Variants in PLXNA4 observed in about 807,000 individuals in gnomAD.
PLXNA4 encodes the protein plexin A4.
Under a neutral mutation model 191.8 loss-of-function variants are expected in PLXNA4, and 44 were observed. The ratio of observed to expected loss-of-function variants is 0.23; its 90% CI spans 0.18 to 0.29. The LOEUF (loss-of-function observed/expected upper bound fraction) is 0.29, where lower values mean the gene tolerates loss of function less well. Among genes scored for constraint, PLXNA4 ranks in the 10% least tolerant of loss-of-function variants. The pLI, the probability that PLXNA4 is intolerant of heterozygous loss-of-function variation, is 1.00. For missense variants in PLXNA4, 1,800 were observed against 2,488.8 expected, an observed-to-expected ratio of 0.72 and a Z score of 5.89; for synonymous variants, 1,082 against 1,009.5, an observed-to-expected ratio of 1.07 and a Z score of -1.36.
intron 3 of PLXNA4, among the ~76,000 whole-genome samples, chr7:132,392,706 C>T (rs974351664): frequency 1.3e-5 from 2 of 152,226 alleles, no homozygotes; most frequent in East Asian, 1.9e-4. Flanking sequence ...GCTTCAGCCT[C>T]GCCTAGGTTG....
intron 2 of PLXNA4, among the ~76,000 whole-genome samples, chr7:132,583,954 G>T (rs1306974865): frequency 6.6e-6 from 1 of 152,194 alleles, no homozygotes; most frequent in Non-Finnish European, 1.5e-5. Flanking sequence ...TGCCAGGCCA[G>T]CTGCTGGAAA....
chr7:132,633,701 T>A (rs1367704595), intron 2 of PLXNA4, among the ~76,000 whole-genome samples: 1 of 152,104 alleles, frequency 6.6e-6, no homozygotes, highest in Non-Finnish European at 1.5e-5. Flanking sequence ...TCCAAAGTAT[T>A]TTTCACGTTT....
chr7:132,634,395 G>C (rs924917000), intron 2 of PLXNA4, among the ~76,000 whole-genome samples: 13 of 151,470 alleles, frequency 8.6e-5, no homozygotes, highest in African/African-American at 3.2e-4. Context: ...TCTCTGACAT[G>C]GTTCCATCCC....
intron 3 of PLXNA4, among the ~76,000 whole-genome samples, chr7:132,345,238 C>G (rs1803200204): frequency 1.3e-5 from 2 of 152,182 alleles, no homozygotes; most frequent in African/African-American, 4.8e-5. Flanking sequence ...CACACAACTG[C>G]ACAAAGTTGG....
chr7:132,523,952 G>C (rs1056393831), intron 1 of PLXNA4, among the ~76,000 whole-genome samples: 1 of 152,192 alleles, frequency 6.6e-6, no homozygotes, highest in African/African-American at 2.4e-5. Flanking sequence ...ACCTGGCCCA[G>C]GTTGATGCTC....
In PLXNA4 at chr7:132,274,774, T is replaced by C. The variant is rs73157251; in HGVS notation, c.1503+23317A>G. 4.7e-3 allele frequency among the ~76,000 whole-genome samples: 705 copies of C among 149,064 alleles called. 9 individuals are homozygous for C. The highest frequency in any genetic ancestry group is 7.2e-3 in the Non-Finnish European group (482 of 67,146). Reference sequence around the variant, plus strand: ...GCCCTTCTCAGTGCATCCTTTTTTTTTTTTTTTTTTTTTTTAAGAGACAGG... The same window carrying C: ...GCCCTTCTCAGTGCATCCTTTTTTTCTTTTTTTTTTTTTTTAAGAGACAGG... On this transcript the variant is annotated intron_variant, in intron 4 of 31. Coordinates refer to ENST00000321063, the MANE Select transcript of PLXNA4 (RefSeq NM_020911.2).
chr7:132,460,235 G>A (rs1267635542), intron 3 of PLXNA4, among the ~76,000 whole-genome samples: 1 of 152,012 alleles, frequency 6.6e-6, no homozygotes, highest in Non-Finnish European at 1.5e-5. Context: ...GTACACACCT[G>A]GAGTCCCAGC....
At chr7:132,470,672 G>A (rs2117414120) in intron 3 of PLXNA4, among the ~76,000 whole-genome samples, 1 of 152,320 alleles carries the variant, frequency 6.6e-6, no homozygotes, top group Non-Finnish European at 1.5e-5. Flanking sequence ...GTCCTTAAAA[G>A]CAGAGAACTT....
chr7:132,535,431 T>G (rs1018803763), intron 1 of PLXNA4, among the ~76,000 whole-genome samples: 1 of 152,134 alleles, frequency 6.6e-6, no homozygotes, highest in Non-Finnish European at 1.5e-5. Context: ...CTCAGGAACC[T>G]CAAGACCCAG....
At chr7:132,375,458 C>T (rs1261587118) in intron 3 of PLXNA4, among the ~76,000 whole-genome samples, 1 of 152,182 alleles carries the variant, frequency 6.6e-6, no homozygotes, top group Admixed American at 6.5e-5. Context: ...AAGCAAATAC[C>T]ATGTGCATGT....
chr7:132,460,134 G>A (rs535217297), intron 3 of PLXNA4, among the ~76,000 whole-genome samples: 9 of 152,170 alleles, frequency 5.9e-5, no homozygotes, highest in African/African-American at 1.9e-4. Flanking sequence ...TGAGGGGATC[G>A]CTTGAGCCCA....
chr7:132,405,580 G>A (rs921770238), intron 3 of PLXNA4, among the ~76,000 whole-genome samples: 50 of 152,322 alleles, frequency 3.3e-4, no homozygotes, highest in African/African-American at 1.1e-3. Flanking sequence ...TGTCGGCTTA[G>A]CAGGCCTCCT....
At chr7:132,591,550 A>T (rs1034410582) in intron 2 of PLXNA4, among the ~76,000 whole-genome samples, 3 of 152,244 alleles carry the variant, frequency 2.0e-5, no homozygotes, top group Non-Finnish European at 1.5e-5. Context: ...ATAATGCATT[A>T]CAACAATAGA....
At chr7:132,332,527 A>T (rs1208368136) in intron 3 of PLXNA4, among the ~76,000 whole-genome samples, 1 of 152,140 alleles carries the variant, frequency 6.6e-6, no homozygotes, top group Non-Finnish European at 1.5e-5. Flanking sequence ...GGGATTCCTA[A>T]ATCCCTCACT....
At chr7:132,254,846 A>G (rs921926735) in intron 4 of PLXNA4, among the ~76,000 whole-genome samples, 1 of 152,196 alleles carries the variant, frequency 6.6e-6, no homozygotes, top group Non-Finnish European at 1.5e-5. Flanking sequence ...TAAGGCTCAG[A>G]ATAGATTCCC....
intron 3 of PLXNA4, among the ~76,000 whole-genome samples, chr7:132,371,840 G>A (rs1054906561): frequency 6.6e-6 from 1 of 152,052 alleles, no homozygotes. Flanking sequence ...ACCACACCTA[G>A]CCACTGAAGA....
intron 30 of PLXNA4, 104 bp downstream of exon 30, chr7:132,140,495 C>T: frequency 6.8e-7 from 1 of 1,475,930 alleles, no homozygotes; most frequent in Non-Finnish European, 9.1e-7. Context: ...GTGAATGACT[C>T]ATCTGGAAAC....
intron 30 of PLXNA4, among the ~76,000 whole-genome samples, chr7:132,137,481 C>T (rs962575609): frequency 6.6e-5 from 10 of 152,262 alleles, no homozygotes; most frequent in African/African-American, 9.6e-5. Context: ...AATCACAACA[C>T]GCCACTTCAT....
At position 132,180,709 on chromosome 7, in the gene PLXNA4, C is replaced by T. The variant is rs780325118; in HGVS notation, c.3516G>A (p.Val1172=). ...AGTTCAGCTTCACGTTGCCCCCAGC[C>T]ACAGGCGGGATCAGGTTCTTGCCCT... ...ILKGKNLIPP[V]AGGNVKLNYT... Residue 1172 remains valine, a synonymous_variant, in exon 19 of 32, where the codon GTG becomes GTA. Transcript: ENST00000321063. 1.9e-6 allele frequency: 3 copies of T among 1,614,056 alleles called. No homozygotes were observed. The East Asian group carries it at 6.7e-5, about 36-fold the overall frequency.
Sources: gnomAD v4.1 joint callset for allele counts (sites outside exome capture counted in the v4.1 genomes callset) on GRCh38, gnomAD v4.1.1 for gene constraint, MANE v1.5 for transcripts, NCBI Gene and HGNC (gene_info 2026-07-23, HGNC 2026-07-21) for gene names.